Variants in OR2L13 observed in about 807,000 individuals in gnomAD.
The protein encoded by OR2L13 is olfactory receptor 2L13.
OR2L13 carries 14 observed loss-of-function variants against 15.3 expected under a neutral mutation model. That is an observed-to-expected ratio of 0.91 (90% CI 0.60 to 1.43). The LOEUF (loss-of-function observed/expected upper bound fraction) is 1.43, where lower values mean the gene tolerates loss of function less well. Among genes scored for constraint, OR2L13 ranks in the 40% most tolerant of loss-of-function variants. The pLI is 0.00. For missense variants in OR2L13, 367 were observed against 387.9 expected, an observed-to-expected ratio of 0.95 and a Z score of 0.45; for synonymous variants, 152 against 142.9, an observed-to-expected ratio of 1.06 and a Z score of -0.45.
At chr1:247,954,762 GC>G in the OR2L13 span, among the ~76,000 whole-genome samples, 1 of 151,980 alleles carries the variant, frequency 6.6e-6, no homozygotes, top group African/African-American at 2.4e-5. Flanking sequence ...TTTAAAGCAT[GC>G]CAACGTTTTC....
At chr1:248,084,421 A>G in the OR2L13 span, 6 of 1,608,932 alleles carry the variant, frequency 3.7e-6, no homozygotes, top group Admixed American at 5.0e-5. Flanking sequence ...CTCAGGAGGA[A>G]GTACATGGGC....
chr1:248,069,096 A>T, the OR2L13 span, among the ~76,000 whole-genome samples: 14 of 152,216 alleles, frequency 9.2e-5, no homozygotes, highest in Admixed American at 2.6e-4. Context: ...AAGGCAGGCC[A>T]AAATTCAGAT....
the OR2L13 span, among the ~76,000 whole-genome samples, chr1:247,961,549 G>A: frequency 2.0e-5 from 3 of 152,262 alleles, no homozygotes; most frequent in South Asian, 6.2e-4. Flanking sequence ...CAAAGACTCC[G>A]ATGTCCGGTT....
chr1:248,006,705 G>A, the OR2L13 span, among the ~76,000 whole-genome samples: 44 of 152,218 alleles, frequency 2.9e-4, no homozygotes, highest in South Asian at 1.0e-3. Flanking sequence ...CATGAGGGTA[G>A]CACCCTCTTG....
At chr1:248,004,737 C>T in the OR2L13 span, among the ~76,000 whole-genome samples, 1 of 152,150 alleles carries the variant, frequency 6.6e-6, no homozygotes, top group Non-Finnish European at 1.5e-5. Context: ...AAAATGATTA[C>T]ATTTAGTTCT....
At chr1:247,991,095 C>T in the OR2L13 span, 1 of 1,601,070 alleles carries the variant, frequency 6.2e-7, no homozygotes, top group Non-Finnish European at 8.6e-7. Flanking sequence ...TGGCTGTCTT[C>T]TACACCATCC....
At chr1:248,028,830 G>A in the OR2L13 span, among the ~76,000 whole-genome samples, 1 of 152,262 alleles carries the variant, frequency 6.6e-6, no homozygotes, top group African/African-American at 2.4e-5. Context: ...TTCCCTTGAA[G>A]TCTATCTTCC....
At chr1:247,939,885 C>T in the OR2L13 span, among the ~76,000 whole-genome samples, 2 of 152,092 alleles carry the variant, frequency 1.3e-5, no homozygotes, top group Non-Finnish European at 2.9e-5. Context: ...CTAAGGCTTC[C>T]ACCACCCTCC....
the OR2L13 span, among the ~76,000 whole-genome samples, chr1:247,959,753 C>T: frequency 6.6e-6 from 1 of 152,226 alleles, no homozygotes; most frequent in Non-Finnish European, 1.5e-5. Flanking sequence ...GAGGCTTGTG[C>T]ATTCGTCACG....
At chr1:248,024,099 G>C in the OR2L13 span, 1 of 152,066 alleles carries the variant, frequency 6.6e-6, no homozygotes, top group Non-Finnish European at 1.5e-5. Flanking sequence ...AGAACGTGCA[G>C]GTTTGTTACA....
the OR2L13 span, chr1:248,029,954 C>T: frequency 1.3e-4 from 20 of 152,180 alleles, no homozygotes; most frequent in Non-Finnish European, 2.8e-4. Flanking sequence ...AGTGACTCAA[C>T]CTAGAATGTC....
chr1:248,060,571 G>T, the OR2L13 span: 38 of 815,216 alleles, frequency 4.7e-5, 1 homozygote, highest in South Asian at 6.1e-4. Context: ...GTCAACTCCA[G>T]TCTCAAGAAT....
chr1:248,093,181 T>C (rs1325346762), upstream of OR2L13, among the ~76,000 whole-genome samples: 1 of 152,094 alleles, frequency 6.6e-6, no homozygotes, highest in Non-Finnish European at 1.5e-5. Flanking sequence ...GTCTAAGAGA[T>C]GTGGAAGTGG....
At chr1:248,073,691 T>C in the OR2L13 span, among the ~76,000 whole-genome samples, 1 of 151,716 alleles carries the variant, frequency 6.6e-6, no homozygotes, top group African/African-American at 2.4e-5. Context: ...GCATGGATGT[T>C]AGCTTGCTAG....
exon 3 of OR2L13, chr1:248,099,643 G>A: frequency 1.2e-6 from 2 of 1,614,098 alleles, no homozygotes; most frequent in Non-Finnish European, 1.7e-6. Flanking sequence ...CGGCCAGAAA[G>A]GCATCTCCTT....
the OR2L13 span, among the ~76,000 whole-genome samples, chr1:247,987,328 C>A: frequency 1.6e-4 from 24 of 152,052 alleles, no homozygotes; most frequent in African/African-American, 5.8e-4. Flanking sequence ...AGAAATTATC[C>A]TGCTTCCTTT....
the OR2L13 span, chr1:248,040,484 G>C: frequency 6.6e-6 from 1 of 152,262 alleles, no homozygotes; most frequent in South Asian, 2.1e-4. Context: ...CCACTCCTGA[G>C]ACAACAAGTA....
chr1:248,014,982 A>T, the OR2L13 span, among the ~76,000 whole-genome samples: 1 of 152,136 alleles, frequency 6.6e-6, no homozygotes, highest in African/African-American at 2.4e-5. Context: ...CACTTTCATA[A>T]TCACTTTCTG....
the OR2L13 span, among the ~76,000 whole-genome samples, chr1:247,971,145 G>T: frequency 6.6e-6 from 1 of 152,062 alleles, no homozygotes; most frequent in African/African-American, 2.4e-5. Flanking sequence ...GATCTCCAAA[G>T]ATAAAAAAAT....
Sources: allele counts gnomAD v4.1 joint callset (sites outside exome capture counted in the v4.1 genomes callset), GRCh38; gene constraint gnomAD v4.1.1; transcripts MANE v1.5; gene names NCBI Gene and HGNC (gene_info 2026-07-23, HGNC 2026-07-21).